The following MARCHF1 variants were observed in gnomAD, a reference collection of about 807,000 sequenced individuals.
The protein encoded by MARCHF1 is membrane associated ring-CH-type finger 1, also known as E3 ubiquitin-protein ligase MARCHF1.
In MARCHF1, 40 loss-of-function variants were observed where a neutral mutation model predicts 54.2. The observed-to-expected ratio is 0.74, with a 90% CI of 0.57 to 0.96. The LOEUF (loss-of-function observed/expected upper bound fraction) is 0.96. Ranked by LOEUF, MARCHF1 falls within the 40% of genes least tolerant of loss-of-function variation. The pLI is 0.00. For missense variants in MARCHF1, 586 were observed against 656.5 expected (o/e 0.89, Z 1.17); for synonymous variants, 236 against 236.3 (o/e 1.00, Z 0.01).
Position 163,543,769 on chromosome 4 carries a change from TG to T in MARCHF1, c.1339+1826del, listed in dbSNP as rs1738801565. Reference sequence around the variant, plus strand: ...TAAATGTAAGAGAGGGGTTTTCTTATGGGTGTCTATGAGGGTCTATGTATAC... The same window carrying T: ...TAAATGTAAGAGAGGGGTTTTCTTATGGTGTCTATGAGGGTCTATGTATAC... On this transcript the variant is annotated intron_variant, in intron 9 of 9. Coordinates refer to ENST00000514618, the MANE Select transcript of MARCHF1 (RefSeq NM_001394959.1). Among the ~76,000 whole-genome samples, 3 of 152,200 alleles carry T rather than the reference TG, an allele frequency of 2.0e-5. No homozygotes were observed. In the South Asian group the frequency reaches 6.2e-4, roughly 31 times the overall value.
intron 1 of MARCHF1, among the ~76,000 whole-genome samples, chr4:164,209,618 GCAAAA>G (rs1731709030): frequency 6.6e-6 from 1 of 152,038 alleles, no homozygotes; most frequent in Non-Finnish European, 1.5e-5. Context: ...TAGCCAAAAA[GCAAAA>G]CAAAACAAGA....
chr4:163,891,096 A>C (rs1426275720), intron 3 of MARCHF1, among the ~76,000 whole-genome samples: 1 of 152,114 alleles, frequency 6.6e-6, no homozygotes, highest in African/African-American at 2.4e-5. Context: ...ACATCATGTG[A>C]GGAGAGGAAA....
chr4:164,092,017 C>A (rs1429952383), intron 2 of MARCHF1, among the ~76,000 whole-genome samples: 4 of 152,140 alleles, frequency 2.6e-5, no homozygotes, highest in African/African-American at 9.6e-5. Context: ...ACAATGGGTA[C>A]AAAGTCATCA....
chr4:163,753,262 CTATTAT>C (rs971443168), intron 4 of MARCHF1, among the ~76,000 whole-genome samples: 2 of 150,694 alleles, frequency 1.3e-5, no homozygotes, highest in African/African-American at 2.4e-5. Context: ...GCTTTTTTTT[CTATTAT>C]TATTATTATT....
Position 163,831,968 on chromosome 4 carries a change from G to A in MARCHF1, c.111+22053C>T, listed in dbSNP as rs567610055. 7.2e-5 allele frequency among the ~76,000 whole-genome samples: 11 copies of A among 152,310 alleles called. No homozygotes were observed. The South Asian group carries it at 2.3e-3, about 32-fold the overall frequency. ...AGTGGCAGGGCCATTGATGGCTCTA[G>A]AGTGCTGGGTTCCATCTATGATTTG... On this transcript the variant is annotated intron_variant, in intron 4 of 9. Transcript: ENST00000514618.
intron 4 of MARCHF1, among the ~76,000 whole-genome samples, chr4:163,780,932 T>A (rs948704340): frequency 3.3e-5 from 5 of 152,200 alleles, no homozygotes; most frequent in Middle Eastern, 3.2e-3. Flanking sequence ...GTTAAGTGAG[T>A]AAAACTCCTC....
intron 1 of MARCHF1, chr4:164,197,741 C>T (rs1192256268): frequency 2.5e-6 from 4 of 1,610,792 alleles, no homozygotes; most frequent in Non-Finnish European, 3.4e-6. Context: ...CAGAGGCTCT[C>T]GTGCCAGCCG....
intron 4 of MARCHF1, among the ~76,000 whole-genome samples, chr4:163,713,100 A>T (rs1345797559): frequency 1.3e-5 from 2 of 152,078 alleles, no homozygotes; most frequent in East Asian, 3.8e-4. Context: ...AGCTATTTTT[A>T]AAAACAAAAA....
intron 2 of MARCHF1, among the ~76,000 whole-genome samples, chr4:164,034,558 G>A (rs1753953526): frequency 6.6e-6 from 1 of 151,998 alleles, no homozygotes; most frequent in African/African-American, 2.4e-5. Context: ...TTTGATTAGG[G>A]ATGCTCAACC....
chr4:163,734,287 G>A (rs886359290), intron 4 of MARCHF1, among the ~76,000 whole-genome samples: 1 of 152,046 alleles, frequency 6.6e-6, no homozygotes, highest in African/African-American at 2.4e-5. Flanking sequence ...AAAAGTTAAA[G>A]GTACATCTGC....
chr4:164,302,762 G>A (rs999093189), intron 1 of MARCHF1, among the ~76,000 whole-genome samples: 8 of 151,424 alleles, frequency 5.3e-5, no homozygotes, highest in Non-Finnish European at 7.4e-5. Flanking sequence ...CCAGCTACTC[G>A]GGAGGCTGAG....
intron 2 of MARCHF1, among the ~76,000 whole-genome samples, chr4:164,102,264 C>T (rs1461844398): frequency 3.2e-4 from 21 of 65,898 alleles, no homozygotes; most frequent in Admixed American, 5.4e-4. Context: ...ATACAGAGAA[C>T]GCCACAAAGA....
intron 1 of MARCHF1, among the ~76,000 whole-genome samples, chr4:164,228,456 G>A (rs1451565445): frequency 1.3e-5 from 2 of 152,178 alleles, no homozygotes; most frequent in Non-Finnish European, 2.9e-5. Context: ...GTTCTTTATA[G>A]TAGTTAATCT....
At chr4:164,117,671 AG>A (rs1302300589) in intron 1 of MARCHF1, among the ~76,000 whole-genome samples, 1 of 152,000 alleles carries the variant, frequency 6.6e-6, no homozygotes, top group Non-Finnish European at 1.5e-5. Flanking sequence ...AGGCCAAGGC[AG>A]GCAGATCACT....
chr4:163,609,903 A>C (rs1423831538), intron 7 of MARCHF1, among the ~76,000 whole-genome samples: 2 of 151,932 alleles, frequency 1.3e-5, no homozygotes, highest in Non-Finnish European at 2.9e-5. Context: ...ACAACTCTGA[A>C]TATGTAAGTT....
At chr4:164,203,064 C>G (rs560039930) in intron 1 of MARCHF1, among the ~76,000 whole-genome samples, 1 of 152,102 alleles carries the variant, frequency 6.6e-6, no homozygotes, top group African/African-American at 2.4e-5. Context: ...CGCCCCCTCT[C>G]TCTCCTTGAT....
In MARCHF1 at chr4:164,131,970, C is replaced by T. The variant is rs895017559; in HGVS notation, c.-322-20308G>A. 2.0e-4 allele frequency among the ~76,000 whole-genome samples: 31 copies of T among 152,170 alleles called. No individual in the cohort carries two copies. In the South Asian group the frequency reaches 2.9e-3, roughly 14 times the overall value. On this transcript the variant is annotated intron_variant, in intron 1 of 9. Transcript: ENST00000514618. ...TGAGAATATTAATGTATAAATTCTA[C>T]GTATAAATAAAAACTTGAATTACTA...
chr4:163,986,074 C>T (rs548960115), intron 3 of MARCHF1, among the ~76,000 whole-genome samples: 1 of 151,870 alleles, frequency 6.6e-6, no homozygotes, highest in Non-Finnish European at 1.5e-5. Flanking sequence ...ACAAGATTGA[C>T]TAATATGTTT....
At chr4:163,994,551 C>G (rs1466501341) in intron 2 of MARCHF1, among the ~76,000 whole-genome samples, 1 of 151,316 alleles carries the variant, frequency 6.6e-6, no homozygotes, top group African/African-American at 2.4e-5. Flanking sequence ...CACATGCACC[C>G]TAAAACTTAA....
Sources: allele counts gnomAD v4.1 joint callset (sites outside exome capture counted in the v4.1 genomes callset), GRCh38; gene constraint gnomAD v4.1.1; transcripts MANE v1.5; gene names NCBI Gene and HGNC (gene_info 2026-07-23, HGNC 2026-07-21).